Variants in CFAP52 observed in about 807,000 individuals in gnomAD.
CFAP52 encodes cilia and flagella associated protein 52.
CFAP52 carries 57 observed loss-of-function variants against 70.5 expected under a neutral mutation model. The ratio of observed to expected loss-of-function variants is 0.81; its 90% confidence interval spans 0.65 to 1.01. CFAP52 has a LOEUF of 1.01. Among genes scored for constraint, CFAP52 ranks in the 50% least tolerant of loss-of-function variants. The pLI, the probability that CFAP52 is intolerant of heterozygous loss-of-function variation, is 0.00. For synonymous variants in CFAP52, 267 were observed against 292.5 expected, an observed-to-expected ratio of 0.91 and a Z score of 0.89; for missense variants, 785 against 788.5, an observed-to-expected ratio of 1.00 and a Z score of 0.05.
chr17:9,581,503 G>A (rs762809080), intron 1 of CFAP52, among the ~76,000 whole-genome samples: 43 of 151,724 alleles, frequency 2.8e-4, no homozygotes, highest in Admixed American at 6.6e-4. Context: ...ACAGTTTAAA[G>A]TGTACATATG....
chr17:9,593,468 GT>G (rs1396032854), intron 3 of CFAP52, among the ~76,000 whole-genome samples: 1 of 152,042 alleles, frequency 6.6e-6, no homozygotes, highest in African/African-American at 2.4e-5. Flanking sequence ...TTTGTTTTTT[GT>G]TTTCGAGACG....
intron 8 of CFAP52, among the ~76,000 whole-genome samples, chr17:9,614,199 A>G (rs1207138708): frequency 8.1e-6 from 1 of 123,742 alleles, no homozygotes; most frequent in Non-Finnish European, 1.6e-5. Flanking sequence ...CTCTGTTGCC[A>G]TGCTGGAGTG....
chr17:9,584,606 GTA>G (rs1908369501), intron 1 of CFAP52, among the ~76,000 whole-genome samples: 1 of 38,232 alleles, frequency 2.6e-5, no homozygotes. Context: ...GATTAATGCA[GTA>G]TTTTTTTTTT....
At position 9,635,485 on chromosome 17, in the gene CFAP52, T is replaced by C. The variant is rs772414698; in HGVS notation, c.1401T>C (p.Ile467=). The change falls in exon 11 of 14, where the codon ATT becomes ATC. Residue 467 remains isoleucine, a synonymous_variant. Transcript: ENST00000352665. ...AACACAAGTCATCAGTGTCCTGCAT[T>C]AGGGTGAAGAGGAACAACGAGGAGT... ...LKEHKSSVSC[I]RVKRNNEECV... 2 of 1,614,122 alleles carry C rather than the reference T, an allele frequency of 1.2e-6. No individual in the cohort carries two copies. The highest frequency in any genetic ancestry group is 2.2e-5 in the South Asian group (2 of 91,074).
At chr17:9,612,674 T>A (rs1909760938) in intron 8 of CFAP52, among the ~76,000 whole-genome samples, 195 bp downstream of exon 8, 1 of 152,242 alleles carries the variant, frequency 6.6e-6, no homozygotes, top group African/African-American at 2.4e-5. Flanking sequence ...AATTCAAATT[T>A]GAGTTTCTTT....
At chr17:9,596,335 A>C (rs1355856229) in intron 4 of CFAP52, among the ~76,000 whole-genome samples, 1 of 151,752 alleles carries the variant, frequency 6.6e-6, no homozygotes, top group Non-Finnish European at 1.5e-5. Flanking sequence ...TCCTGAGCTC[A>C]GGCAATCCAC....
rs1248598749 is a variant in CFAP52 at position 9,628,794 on chromosome 17, T to C, written c.1148T>C (p.Met383Thr). Reference sequence around the variant, plus strand: ...ATGACCTGCCACGGCATCGACTTCATGAGGGACGGCAAAAGCATCATTTCA... The same window carrying C: ...ATGACCTGCCACGGCATCGACTTCACGAGGGACGGCAAAAGCATCATTTCA... ...PNMTCHGIDF[M>T]RDGKSIISAW... The change falls in exon 9 of 14, where the codon ATG (methionine) becomes ACG (threonine). Residue 383 changes from methionine (M) to threonine (T), a missense_variant. Physicochemically the swap from Met to Thr is moderately conservative, Grantham distance 81. Transcript: ENST00000352665. 6 of 1,614,120 alleles carry C rather than the reference T, an allele frequency of 3.7e-6. No homozygotes were observed. The highest frequency in any genetic ancestry group is 2.2e-5 in the East Asian group (1 of 44,870).
intron 7 of CFAP52, chr17:9,610,491 C>T (rs1444794070): frequency 6.6e-6 from 1 of 151,824 alleles, no homozygotes; most frequent in Non-Finnish European, 1.5e-5. Context: ...GATGTATGAT[C>T]AAAATGGACA....
chr17:9,595,828 T>C (rs1381648957), intron 4 of CFAP52, among the ~76,000 whole-genome samples: 1 of 151,208 alleles, frequency 6.6e-6, no homozygotes, highest in Non-Finnish European at 1.5e-5. Flanking sequence ...CCATGAGATG[T>C]CCTGCAAGTT....
Position 9,635,570 on chromosome 17 carries a change from A to G in CFAP52, c.1472+14A>G. The G allele has an allele frequency of 1.9e-6, 3 of 1,614,052 alleles. No homozygotes were observed. Among genetic ancestry groups the G allele is most frequent in the Non-Finnish European group, 2.5e-6 (3 of 1,180,002 alleles). ...TTGGGACCTTGTGTAGGTACCTGTG[A>G]TGGGGAGGATGCAGTGATACCTGCA... On this transcript the variant is annotated intron_variant, in intron 11 of 13. Coordinates refer to ENST00000352665, the MANE Select transcript of CFAP52 (RefSeq NM_145054.5).
intron 7 of CFAP52, among the ~76,000 whole-genome samples, chr17:9,611,400 G>T (rs186802863): frequency 4.6e-5 from 7 of 152,114 alleles, no homozygotes; most frequent in African/African-American, 1.7e-4. Flanking sequence ...TGTCATCCAG[G>T]ATGGAGGGCA....
chr17:9,597,251 C>T (rs752552784), intron 4 of CFAP52, among the ~76,000 whole-genome samples: 5 of 152,092 alleles, frequency 3.3e-5, no homozygotes, highest in Non-Finnish European at 7.4e-5. Context: ...CTTCCCATTG[C>T]GTACATATAC....
At chr17:9,631,049 AG>A (rs1567634918) in intron 9 of CFAP52, among the ~76,000 whole-genome samples, 6 of 86,744 alleles carry the variant, frequency 6.9e-5, no homozygotes, top group Admixed American at 2.5e-4. Context: ...AGAGAGAGAG[AG>A]AGAGAAAGAA....
chr17:9,606,025 T>C (rs141313059), intron 6 of CFAP52, among the ~76,000 whole-genome samples: 160 of 152,140 alleles, frequency 1.1e-3, no homozygotes, highest in African/African-American at 3.6e-3. Context: ...AAATCTCAAA[T>C]ACTTGTATCT....
chr17:9,638,602 T>G lies in CFAP52; in HGVS notation c.1473-7T>G. ...CGACTTTCACAGCTTTTGAATCTAC[T>G]TTCCAGGCGTCTCAGGAGGAATCAG... On this transcript the variant is annotated splice_region_variant and splice_polypyrimidine_tract_variant and intron_variant, in intron 11 of 13. Coordinates refer to ENST00000352665, the MANE Select transcript of CFAP52 (RefSeq NM_145054.5). The G allele has an allele frequency of 6.2e-7, 1 of 1,613,632 alleles. No homozygotes were observed. Among genetic ancestry groups the G allele is most frequent in the Non-Finnish European group, 8.5e-7 (1 of 1,179,644 alleles).
chr17:9,639,901 T>G lies in CFAP52; in HGVS notation c.1575+1190T>G, dbSNP rs902836458. Among the ~76,000 whole-genome samples the G allele has an allele frequency of 2.0e-5, 3 of 152,178 alleles. No individual in the cohort carries two copies. In the East Asian group the frequency reaches 5.8e-4, roughly 29 times the overall value. ...CAGGAGAGTGTCAATTTGGCTTCTTTGGCTGGGAAGGCAGGCAGTCAAGTT... is the reference window on the plus strand; with the variant it reads ...CAGGAGAGTGTCAATTTGGCTTCTTGGGCTGGGAAGGCAGGCAGTCAAGTT... On this transcript the variant is annotated intron_variant, in intron 12 of 13. Transcript: ENST00000352665.
chr17:9,627,382 A>G (rs1910278081), intron 8 of CFAP52, among the ~76,000 whole-genome samples: 1 of 152,116 alleles, frequency 6.6e-6, no homozygotes, highest in African/African-American at 2.4e-5. Flanking sequence ...ATGGTGGCAC[A>G]TGCCTGTAAT....
At chr17:9,613,984 C>CT (rs200948001) in intron 8 of CFAP52, among the ~76,000 whole-genome samples, 4,274 of 151,168 alleles carry the variant, frequency 0.028, 77 homozygotes, top group Admixed American at 0.046. Context: ...TTTTTCCCCT[C>CT]TTTTTTTTTA....
At chr17:9,630,825 A>C (rs945067237) in intron 9 of CFAP52, among the ~76,000 whole-genome samples, 2 of 149,896 alleles carry the variant, frequency 1.3e-5, no homozygotes, top group Non-Finnish European at 3.0e-5. Context: ...ATCTCTACTA[A>C]AAATACAAAA....
Sources: allele counts gnomAD v4.1 joint callset (sites outside exome capture counted in the v4.1 genomes callset), GRCh38; gene constraint gnomAD v4.1.1; transcripts MANE v1.5; gene names NCBI Gene and HGNC (gene_info 2026-07-23, HGNC 2026-07-21).